ZNF224: variants seen among roughly 807,000 people sequenced by gnomAD.
ZNF224 encodes bone marrow zinc finger 2.
A neutral mutation model predicts 10.5 loss-of-function variants in ZNF224; 8 were observed. The ratio of observed to expected loss-of-function variants is 0.76; its 90% CI spans 0.45 to 1.37. The LOEUF (loss-of-function observed/expected upper bound fraction) is 1.37, where lower values mean the gene tolerates loss of function less well. Among genes scored for constraint, ZNF224 ranks in the 40% most tolerant of loss-of-function variants. The probability of loss-of-function intolerance (pLI) is 0.00; values close to 1 mark genes in which losing one functional copy is unlikely to be tolerated. For synonymous variants in ZNF224, 282 were observed against 287.8 expected (o/e 0.98, Z 0.20); for missense variants, 754 against 854.0 (o/e 0.88, Z 1.46).
intron 5 of ZNF224, among the ~76,000 whole-genome samples, chr19:44,103,185 C>T (rs142297121): frequency 6.6e-6 from 1 of 152,156 alleles, no homozygotes; most frequent in South Asian, 2.1e-4. Flanking sequence ...AATCAGGAAA[C>T]TGCCCTCTCA....
Position 44,107,778 on chromosome 19 carries a change from T to C in ZNF224, c.1618T>C (p.Tyr540His), listed in dbSNP as rs1275356280. 5 of 1,600,998 alleles carry C rather than the reference T, an allele frequency of 3.1e-6. No individual in the cohort carries two copies. The highest frequency in any genetic ancestry group is 1.4e-5 in the African/African-American group (1 of 73,858). The change falls in exon 6 of 6, where the codon TAC (tyrosine) becomes CAC (histidine). Residue 540 changes from tyrosine (Y) to histidine (H), a missense_variant. Coordinates refer to ENST00000693561, the MANE Select transcript of ZNF224 (RefSeq NM_001321645.3). ...GAAGGTCCACACAGGAGAGAGACCATACAATTGTAAGGAATGTGGGAAGAG... is the reference window on the plus strand; with the variant it reads ...GAAGGTCCACACAGGAGAGAGACCACACAATTGTAAGGAATGTGGGAAGAG... The part of the protein sequence containing the change: ...HQKVHTGERP[Y>H]NCKECGKSFG...
At chr19:44,098,086 A>G (rs965013329) in intron 3 of ZNF224, among the ~76,000 whole-genome samples, 198 bp downstream of exon 3, 16 of 152,118 alleles carry the variant, frequency 1.1e-4, no homozygotes, top group African/African-American at 3.6e-4. Flanking sequence ...CATTTATTCT[A>G]TGGAGTAGAC....
At position 44,106,906 on chromosome 19, in the gene ZNF224, T is replaced by C; in HGVS notation, c.746T>C (p.Val249Ala). The change falls in exon 6 of 6, where the codon GTT becomes GCT. Residue 249 changes from valine to alanine, a missense_variant. Val to Ala is a moderately conservative substitution (Grantham distance 64). Coordinates refer to ENST00000693561, the MANE Select transcript of ZNF224 (RefSeq NM_001321645.3). ...TTCAGTCGTAGATCAGCACTTAATG[T>C]TCATCATAAATTACACACAGGAGAG... ...KGFSRRSALN[V>A]HHKLHTGEKP... 1 of 1,609,244 alleles carries C rather than the reference T, an allele frequency of 6.2e-7. No individual in the cohort carries two copies. Among genetic ancestry groups the C allele is most frequent in the Non-Finnish European group, 8.5e-7 (1 of 1,176,740 alleles).
intron 5 of ZNF224, chr19:44,106,193 A>G: frequency 1.7e-6 from 1 of 595,216 alleles, no homozygotes. Flanking sequence ...TTCGTCTTTT[A>G]TTTCTATCAA....
chr19:44,108,733 G>C lies in ZNF224; in HGVS notation c.*449G>C, dbSNP rs1311124679. 1 of 515,600 alleles carries C rather than the reference G, an allele frequency of 1.9e-6. No individual in the cohort carries two copies. The highest frequency in any genetic ancestry group is 3.8e-6 in the Non-Finnish European group (1 of 259,748). 31.9% of individuals were successfully genotyped at this position (515,600 alleles called of 1,614,324 possible). On this transcript the variant is annotated 3_prime_UTR_variant, in exon 6 of 6. Transcript: ENST00000693561. ...GTCGTCACAGCCTTAACATTGATTAGCACTTTGTATGTGTTCAGTACTTGT... is the reference window on the plus strand; with the variant it reads ...GTCGTCACAGCCTTAACATTGATTACCACTTTGTATGTGTTCAGTACTTGT...
At chr19:44,098,230 T>C (rs1026861407) in intron 3 of ZNF224, among the ~76,000 whole-genome samples, 1 of 152,216 alleles carries the variant, frequency 6.6e-6, no homozygotes, top group African/African-American at 2.4e-5. Flanking sequence ...CTAATTTAAA[T>C]TGCACTCTTT....
intron 3 of ZNF224, among the ~76,000 whole-genome samples, chr19:44,099,294 A>G (rs1967502106): frequency 6.6e-6 from 1 of 152,186 alleles, no homozygotes; most frequent in East Asian, 1.9e-4. Context: ...CACAATTGTT[A>G]TAGAACATTT....
In ZNF224 at chr19:44,095,180, G is replaced by A. The variant is rs542351595; in HGVS notation, c.-158+650G>A. ...CTACGTGAGTGGTCCTTGGCTCTTTGACCGAGATGCTCACCCCAACCGAGA... is the reference window on the plus strand; with the variant it reads ...CTACGTGAGTGGTCCTTGGCTCTTTAACCGAGATGCTCACCCCAACCGAGA... On this transcript the variant is annotated intron_variant, in intron 1 of 5. Coordinates refer to ENST00000693561, the MANE Select transcript of ZNF224 (RefSeq NM_001321645.3). 20 of 229,696 alleles carry A rather than the reference G, an allele frequency of 8.7e-5. No homozygotes were observed. In the East Asian group the frequency reaches 2.1e-3, roughly 24 times the overall value. 14.2% of individuals were successfully genotyped at this position (229,696 alleles called of 1,614,324 possible). A position where few individuals can be genotyped will look rare whatever the true frequency, so the allele number is the denominator to read the frequency against.
intron 1 of ZNF224, chr19:44,096,009 C>G (rs1691071790): frequency 1.3e-5 from 2 of 150,632 alleles, no homozygotes; most frequent in African/African-American, 4.9e-5. Context: ...TAATGTGTTT[C>G]TTTCTTTTTG....
chr19:44,108,390 C>T lies in ZNF224; in HGVS notation c.*106C>T. 2.6e-6 allele frequency: 3 copies of T among 1,162,492 alleles called. No individual in the cohort carries two copies. Among genetic ancestry groups the T allele is most frequent in the South Asian group, 3.2e-5 (2 of 62,950 alleles). The allele number at this position is 1,162,492 out of a possible 1,614,324, so 72.0% of individuals were successfully genotyped here. Reference sequence around the variant, plus strand: ...TAAAATATGAGGCACATAGTAAGCACTTCCCTTTGAGTATTTTATCTCTGA... The same window carrying T: ...TAAAATATGAGGCACATAGTAAGCATTTCCCTTTGAGTATTTTATCTCTGA... On this transcript the variant is annotated 3_prime_UTR_variant, in exon 6 of 6. Coordinates refer to ENST00000693561, the MANE Select transcript of ZNF224 (RefSeq NM_001321645.3).
intron 1 of ZNF224, 191 bp from the exon 2 acceptor site, chr19:44,096,152 A>G (rs541350267): frequency 6.6e-6 from 1 of 152,278 alleles, no homozygotes. Flanking sequence ...ATGTTATATC[A>G]TACTCATTAA....
chr19:44,103,633 T>C (rs534087677), intron 5 of ZNF224, among the ~76,000 whole-genome samples: 19 of 152,330 alleles, frequency 1.2e-4, no homozygotes, highest in Admixed American at 4.6e-4. Flanking sequence ...TTCTTCCATT[T>C]GGAAATAAGT....
intron 3 of ZNF224, among the ~76,000 whole-genome samples, chr19:44,098,746 AT>A: frequency 6.6e-6 from 1 of 152,062 alleles, no homozygotes; most frequent in African/African-American, 2.4e-5. Context: ...ACCATGCCTA[AT>A]TTTGTATTTT....
At chr19:44,106,314 C>T in intron 5 of ZNF224, 82 bp from the exon 6 acceptor site, 3 of 1,433,830 alleles carry the variant, frequency 2.1e-6, no homozygotes, top group Non-Finnish European at 9.7e-7. Flanking sequence ...ATGAGAGTTT[C>T]CTGCCATGGC....
rs776722203 is a variant in ZNF224, at chr19:44,107,112, T to C, written c.952T>C (p.Cys318Arg). 2 of 1,604,670 alleles carry C rather than the reference T, an allele frequency of 1.2e-6. No homozygotes were observed. Among genetic ancestry groups the C allele is most frequent in the South Asian group, 1.1e-5 (1 of 89,532 alleles). Residue 318 changes from cysteine to arginine, a missense_variant, in exon 6 of 6, where the codon TGT (cysteine) becomes CGT (arginine). Coordinates refer to ENST00000693561, the MANE Select transcript of ZNF224 (RefSeq NM_001321645.3). The stretch of plus-strand genomic sequence containing the variant: ...TCACACGGCAGAGAAACCATTCCGA[T>C]GTGATACGTGTGATAAGAGCTTTCG... Reference protein sequence around the residue: ...MVHTAEKPFRCDTCDKSFRQR... With the variant: ...MVHTAEKPFRRDTCDKSFRQR...
rs1304196809 is a variant in ZNF224 at position 44,101,200 on chromosome 19, A to G, written c.210A>G (p.Thr70=). The change falls in exon 5 of 6, where the codon ACA becomes ACG. Residue 70 remains threonine, a synonymous_variant. Coordinates refer to ENST00000693561, the MANE Select transcript of ZNF224 (RefSeq NM_001321645.3). ...AAGAAAAGATTTGGATGATGAAGACAGCAATCCAAAGGGAAGGGAATTCAG... is the reference window on the plus strand; with the variant it reads ...AAGAAAAGATTTGGATGATGAAGACGGCAATCCAAAGGGAAGGGAATTCAG... ...LREEKIWMMK[T]AIQREGNSGD... 8.1e-6 allele frequency: 13 copies of G among 1,614,178 alleles called. No individual in the cohort carries two copies. Among genetic ancestry groups the G allele is most frequent in the Admixed American group, 1.7e-5 (1 of 60,032 alleles).
At chr19:44,097,708 C>CA in intron 2 of ZNF224, 98 bp from the exon 3 acceptor site, 2 of 676,734 alleles carry the variant, frequency 3.0e-6, no homozygotes, top group East Asian at 5.4e-5. Flanking sequence ...CTGCTGTGAA[C>CA]AGTCATGTGC....
intron 2 of ZNF224, 43 bp downstream of exon 2, chr19:44,096,474 C>T (rs1967437026): frequency 6.6e-6 from 1 of 152,126 alleles, no homozygotes; most frequent in Admixed American, 6.5e-5. Context: ...TTTCACATAA[C>T]ATATTAGATA....
At chr19:44,097,540 A>G (rs577290186) in intron 2 of ZNF224, among the ~76,000 whole-genome samples, 47 of 152,356 alleles carry the variant, frequency 3.1e-4, no homozygotes, top group African/African-American at 1.1e-3. Context: ...TTTAGCAATA[A>G]TGTTTCAAAG....
Sources: gnomAD v4.1 joint callset for allele counts (sites outside exome capture counted in the v4.1 genomes callset) on GRCh38, gnomAD v4.1.1 for gene constraint, MANE v1.5 for transcripts, NCBI Gene and HGNC (gene_info 2026-07-23, HGNC 2026-07-21) for gene names.